Variants in FOXP1 observed in about 807,000 individuals in gnomAD.
The protein encoded by FOXP1 is forkhead box P1, also known as forkhead box protein P1.
A neutral mutation model predicts 98.2 loss-of-function variants in FOXP1; 15 were observed. The ratio of observed to expected loss-of-function variants is 0.15; its 90% confidence interval spans 0.10 to 0.24. The LOEUF (loss-of-function observed/expected upper bound fraction) is 0.24. Among genes scored for constraint, FOXP1 ranks in the 10% least tolerant of loss-of-function variants. The pLI is 1.00. For missense variants in FOXP1, 633 were observed against 848.5 expected, an observed-to-expected ratio of 0.75 and a Z score of 3.15; for synonymous variants, 371 against 314.5, an observed-to-expected ratio of 1.18 and a Z score of -1.90.
chr3:70,969,395 A>C (rs1388928045), intron 19 of FOXP1: 1 of 152,188 alleles, frequency 6.6e-6, no homozygotes, highest in Admixed American at 6.5e-5. Context: ...AATAAATATA[A>C]TTACTGAAAT....
At chr3:71,411,355 C>A (rs376880621) in intron 3 of FOXP1, among the ~76,000 whole-genome samples, 29 of 151,522 alleles carry the variant, frequency 1.9e-4, no homozygotes, top group African/African-American at 6.5e-4. Flanking sequence ...TGCTCTGTCA[C>A]CCAGGCTGGA....
At chr3:71,225,224 T>C (rs1232647901) in intron 5 of FOXP1, among the ~76,000 whole-genome samples, 3 of 152,248 alleles carry the variant, frequency 2.0e-5, no homozygotes, top group Admixed American at 1.3e-4. Context: ...GCGGCATAAA[T>C]GCTAAGCTGT....
chr3:71,183,369 C>T (rs912756759), intron 6 of FOXP1, among the ~76,000 whole-genome samples: 1 of 152,016 alleles, frequency 6.6e-6, no homozygotes, highest in African/African-American at 2.4e-5. Context: ...AATAGTGGCG[C>T]GAGCCTGCAA....
intron 11 of FOXP1, among the ~76,000 whole-genome samples, chr3:71,024,292 T>G (rs532156990): frequency 2.6e-5 from 4 of 152,298 alleles, no homozygotes; most frequent in South Asian, 4.1e-4. Flanking sequence ...GCAGATGGGC[T>G]TCTTATTTCA....
chr3:71,151,765 T>C (rs2060586172), intron 6 of FOXP1, among the ~76,000 whole-genome samples: 1 of 151,140 alleles, frequency 6.6e-6, no homozygotes, highest in Non-Finnish European at 1.5e-5. Flanking sequence ...CCACTAGGCA[T>C]CTTAAGTAGC....
In FOXP1 at chr3:70,956,731, AGTTTT is replaced by A. The variant is rs2106810554; in HGVS notation, c.*2511_*2515del. The A allele has an allele frequency of 8.8e-5, 9 of 101,702 alleles. No homozygotes were observed. The highest frequency in any genetic ancestry group is 4.7e-3 in the Middle Eastern group (1 of 214). The allele number at this position is 101,702 out of a possible 1,614,324, so 6.3% of individuals were successfully genotyped here. A position where few individuals can be genotyped will look rare whatever the true frequency, so the allele number is the denominator to read the frequency against. On this transcript the variant is annotated 3_prime_UTR_variant, in exon 21 of 21. Coordinates refer to ENST00000649528, the MANE Select transcript of FOXP1 (RefSeq NM_001349338.3). ...TGCACATCATGAAGCTGCCTGGAAA[AGTTTT>A]TTTTTTTTTTTTTTTTTTTTTTTTT...
chr3:71,103,084 CCTGA>C (rs2057111373), intron 7 of FOXP1, among the ~76,000 whole-genome samples: 1 of 152,124 alleles, frequency 6.6e-6, no homozygotes, highest in Non-Finnish European at 1.5e-5. Context: ...CTTAAATTAA[CCTGA>C]CTTAGGGTAA....
chr3:71,262,957 C>T (rs990999721), intron 5 of FOXP1, among the ~76,000 whole-genome samples: 4 of 152,166 alleles, frequency 2.6e-5, no homozygotes, highest in Admixed American at 6.5e-5. Context: ...ATTGGCAAAA[C>T]GGCTAGCCCT....
intron 3 of FOXP1, among the ~76,000 whole-genome samples, chr3:71,363,148 GATCT>G: frequency 6.6e-6 from 1 of 151,450 alleles, no homozygotes; most frequent in South Asian, 2.1e-4. Flanking sequence ...GGTGTGTTTA[GATCT>G]ATTAAAGGTG....
At chr3:71,015,752 A>T in intron 11 of FOXP1, 99 bp from the exon 12 acceptor site, 2 of 751,488 alleles carry the variant, frequency 2.7e-6, no homozygotes, top group South Asian at 3.0e-5. Flanking sequence ...ACATGGCCAA[A>T]TGTGGACAAG....
chr3:71,121,043 C>T (rs1457232890), intron 6 of FOXP1, among the ~76,000 whole-genome samples: 2 of 144,512 alleles, frequency 1.4e-5, no homozygotes, highest in African/African-American at 5.1e-5. Flanking sequence ...TTCTTTCTTT[C>T]TTTTTTTTTT....
intron 7 of FOXP1, among the ~76,000 whole-genome samples, chr3:71,090,613 T>A (rs990997183): frequency 4.6e-5 from 7 of 152,166 alleles, no homozygotes; most frequent in Non-Finnish European, 7.3e-5. Context: ...GTAACTATAA[T>A]GTCAAATAAA....
intron 14 of FOXP1, among the ~76,000 whole-genome samples, chr3:70,986,799 C>A (rs939443762): frequency 3.3e-5 from 5 of 152,032 alleles, no homozygotes; most frequent in Non-Finnish European, 5.9e-5. Flanking sequence ...AATGGATGCA[C>A]GAAGTGTTTA....
intron 3 of FOXP1, among the ~76,000 whole-genome samples, chr3:71,418,653 T>G (rs2083397949): frequency 6.6e-6 from 1 of 152,126 alleles, no homozygotes; most frequent in African/African-American, 2.4e-5. Flanking sequence ...CCACCTCAGA[T>G]CTAAACACTA....
chr3:71,482,110 C>T (rs988005993), intron 3 of FOXP1, among the ~76,000 whole-genome samples: 3 of 152,130 alleles, frequency 2.0e-5, no homozygotes, highest in Admixed American at 1.3e-4. Flanking sequence ...ACGCACATGT[C>T]GCCTGCTGTC....
intron 4 of FOXP1, among the ~76,000 whole-genome samples, chr3:71,331,911 T>C (rs2076342545): frequency 6.6e-6 from 1 of 152,140 alleles, no homozygotes; most frequent in Non-Finnish European, 1.5e-5. Context: ...AGAACTTTTG[T>C]GTCTAGTTCA....
chr3:71,219,516 T>C (rs6419776), intron 5 of FOXP1, among the ~76,000 whole-genome samples: 128,883 of 152,240 alleles, frequency 0.85, 54,598 homozygotes, highest in East Asian at 0.92. Flanking sequence ...TGTGAATCTC[T>C]TCTTTTAACC....
At chr3:71,564,026 A>G (rs974326005) in intron 2 of FOXP1, among the ~76,000 whole-genome samples, 4 of 152,252 alleles carry the variant, frequency 2.6e-5, no homozygotes, top group African/African-American at 9.6e-5. Flanking sequence ...AGGTTCCCTC[A>G]GGCCACTTAA....
intron 4 of FOXP1, among the ~76,000 whole-genome samples, chr3:71,323,610 C>T (rs1331413646): frequency 6.6e-6 from 1 of 152,152 alleles, no homozygotes; most frequent in Non-Finnish European, 1.5e-5. Flanking sequence ...GATGCATTGC[C>T]TGCTGCATTC....
Sources: allele counts gnomAD v4.1 joint callset (sites outside exome capture counted in the v4.1 genomes callset), GRCh38; gene constraint gnomAD v4.1.1; transcripts MANE v1.5; gene names NCBI Gene and HGNC (gene_info 2026-07-23, HGNC 2026-07-21).